The following SETBP1 variants were observed in gnomAD, a reference collection of about 807,000 sequenced individuals.
SETBP1 encodes SET-binding protein.
Under a neutral mutation model 101.0 loss-of-function variants are expected in SETBP1, and 9 were observed. That is an observed-to-expected ratio of 0.09 (90% CI 0.05 to 0.16). The LOEUF (loss-of-function observed/expected upper bound fraction) is 0.16. Ranked by LOEUF, SETBP1 falls within the 10% of genes least tolerant of loss-of-function variation. The pLI is 1.00. For synonymous variants in SETBP1, 818 were observed against 788.5 expected (o/e 1.04, Z -0.63); for missense variants, 1,858 against 2,033.8 (o/e 0.91, Z 1.66).
Position 44,950,318 on chromosome 18 carries a change from A to G in SETBP1, c.978A>G (p.Pro326=). Residue 326 remains proline (P), a synonymous_variant, in exon 4 of 6, where the codon CCA becomes CCG. Transcript: ENST00000649279. ...DQDGGGTKEP[P]EPPTVGSKKK... is the part of the protein sequence containing the mutation. ...ATGGAGGAGGTACAAAGGAGCCCCC[A>G]GAACCACCTACGGTGGGCAGCAAGA... The G allele has an allele frequency of 6.2e-7, 1 of 1,614,112 alleles. No homozygotes were observed. Among genetic ancestry groups the G allele is most frequent in the Non-Finnish European group, 8.5e-7 (1 of 1,180,042 alleles).
chr18:44,845,973 G>T (rs573329095), intron 2 of SETBP1, among the ~76,000 whole-genome samples: 3 of 152,294 alleles, frequency 2.0e-5, no homozygotes, highest in African/African-American at 4.8e-5. Context: ...TTCCTTCTGT[G>T]CCTAGCAGAG....
At chr18:45,008,845 C>G (rs956309209) in intron 4 of SETBP1, among the ~76,000 whole-genome samples, 5 of 152,294 alleles carry the variant, frequency 3.3e-5, no homozygotes, top group Admixed American at 1.3e-4. Flanking sequence ...CAGCCCTGCA[C>G]TCTCTCTGCT....
intron 2 of SETBP1, among the ~76,000 whole-genome samples, chr18:44,718,301 C>G (rs1442341973): frequency 6.6e-6 from 1 of 152,180 alleles, no homozygotes; most frequent in East Asian, 1.9e-4. Context: ...TCAGCCCTGC[C>G]AGCTGATTCA....
intron 4 of SETBP1, among the ~76,000 whole-genome samples, chr18:45,010,556 T>A (rs1013515177): frequency 6.6e-6 from 1 of 152,230 alleles, no homozygotes; most frequent in Non-Finnish European, 1.5e-5. Flanking sequence ...TACAAAGGCA[T>A]CGCAGACATT....
intron 5 of SETBP1, among the ~76,000 whole-genome samples, chr18:45,054,994 T>A (rs2073784777): frequency 6.6e-6 from 1 of 152,194 alleles, no homozygotes; most frequent in East Asian, 1.9e-4. Context: ...TTCTGGGGAA[T>A]ATAAAGATGA....
intron 3 of SETBP1, among the ~76,000 whole-genome samples, chr18:44,936,353 C>T (rs2070956942): frequency 1.3e-5 from 2 of 152,204 alleles, no homozygotes; most frequent in African/African-American, 2.4e-5. Context: ...TGCAGCAGTG[C>T]CACTGCATTC....
chr18:44,804,775 A>G (rs758090237), intron 2 of SETBP1, among the ~76,000 whole-genome samples: 2 of 152,142 alleles, frequency 1.3e-5, no homozygotes, highest in Non-Finnish European at 2.9e-5. Context: ...TCTTCTTATT[A>G]GTAAAAAGAA....
chr18:44,852,075 T>A (rs1225722219), intron 2 of SETBP1, among the ~76,000 whole-genome samples: 2 of 152,178 alleles, frequency 1.3e-5, no homozygotes, highest in East Asian at 3.9e-4. Context: ...CCTAATCACT[T>A]TTGATTACAA....
chr18:44,763,473 C>T (rs1056412364), intron 2 of SETBP1, among the ~76,000 whole-genome samples: 4 of 152,126 alleles, frequency 2.6e-5, no homozygotes, highest in Admixed American at 1.3e-4. Context: ...AAGGTGTTTG[C>T]GTGTCTGGTG....
At chr18:44,681,674 G>A (rs1231070349) in intron 1 of SETBP1, among the ~76,000 whole-genome samples, 2 of 152,026 alleles carry the variant, frequency 1.3e-5, no homozygotes, top group Non-Finnish European at 2.9e-5. Flanking sequence ...GGTATTGAGA[G>A]TGTGGAAGGG....
At chr18:44,738,879 G>T (rs1245975686) in intron 2 of SETBP1, among the ~76,000 whole-genome samples, 1 of 151,994 alleles carries the variant, frequency 6.6e-6, no homozygotes, top group East Asian at 1.9e-4. Flanking sequence ...AAACTTAGTG[G>T]CTTAAAGCAA....
intron 4 of SETBP1, among the ~76,000 whole-genome samples, chr18:44,968,010 A>G (rs1441626518): frequency 1.3e-5 from 2 of 152,162 alleles, no homozygotes; most frequent in African/African-American, 4.8e-5. Flanking sequence ...TAAGTTTGAA[A>G]ATGCAGTGGA....
chr18:45,026,560 G>A (rs912484505), intron 4 of SETBP1, among the ~76,000 whole-genome samples: 3 of 152,110 alleles, frequency 2.0e-5, no homozygotes, highest in South Asian at 2.1e-4. Flanking sequence ...TAGCAAATTC[G>A]TAACCTACCT....
At chr18:44,840,285 C>A (rs1369547628) in intron 2 of SETBP1, among the ~76,000 whole-genome samples, 1 of 152,214 alleles carries the variant, frequency 6.6e-6, no homozygotes, top group Non-Finnish European at 1.5e-5. Flanking sequence ...AGCCAATGAG[C>A]CAGCATGCCT....
At chr18:44,750,620 A>G (rs543201737) in intron 2 of SETBP1, among the ~76,000 whole-genome samples, 72 of 152,256 alleles carry the variant, frequency 4.7e-4, no homozygotes, top group African/African-American at 1.7e-3. Flanking sequence ...CATCCGATGG[A>G]TGTTTTGAAG....
rs528411087 is a variant in SETBP1, at chr18:45,063,372, C to T, written c.4465C>T (p.Pro1489Ser). The T allele has an allele frequency of 2.5e-4, 386 of 1,566,454 alleles. 5 individuals are homozygous for T. In the South Asian group the frequency reaches 4.3e-3, roughly 17 times the overall value. The change falls in exon 6 of 6, where the codon CCC becomes TCC. Residue 1489 changes from proline (P) to serine (S), a missense_variant. Physicochemically the swap from Pro to Ser is moderately conservative, Grantham distance 74 (BLOSUM62 -1). Coordinates refer to ENST00000649279, the MANE Select transcript of SETBP1 (RefSeq NM_015559.3). ...IDLPSKRGQK[P>S]SLSPLVLEPA... The stretch of plus-strand genomic sequence containing the variant: ...CCTGCCCAGCAAAAGAGGCCAGAAG[C>T]CCAGCCTGAGCCCGCTGGTGCTGGA...
At chr18:44,991,566 T>C (rs1395901831) in intron 4 of SETBP1, among the ~76,000 whole-genome samples, 5 of 152,132 alleles carry the variant, frequency 3.3e-5, no homozygotes, top group Admixed American at 6.5e-5. Flanking sequence ...ACAGCTGAAA[T>C]GATAGAATGT....
chr18:44,880,110 T>A (rs2069496463), intron 3 of SETBP1, among the ~76,000 whole-genome samples: 1 of 152,188 alleles, frequency 6.6e-6, no homozygotes, highest in Non-Finnish European at 1.5e-5. Context: ...CAAAGGGCAT[T>A]TGGCTGTTTG....
chr18:44,957,223 A>G (rs944603273), intron 4 of SETBP1, among the ~76,000 whole-genome samples: 4 of 152,148 alleles, frequency 2.6e-5, no homozygotes, highest in African/African-American at 7.2e-5. Context: ...GAATGATGCC[A>G]TGTGCCCTCA....
Sources: gnomAD v4.1 joint callset for allele counts (sites outside exome capture counted in the v4.1 genomes callset) on GRCh38, gnomAD v4.1.1 for gene constraint, MANE v1.5 for transcripts, NCBI Gene and HGNC (gene_info 2026-07-23, HGNC 2026-07-21) for gene names.